Variants in MED13 observed in about 807,000 individuals in gnomAD.
The protein encoded by MED13 is mediator of RNA polymerase II transcription subunit 13.
In MED13, 23 loss-of-function variants were observed where a neutral mutation model predicts 225.2. The observed-to-expected ratio is 0.10, with a 90% confidence interval of 0.07 to 0.14. The LOEUF (loss-of-function observed/expected upper bound fraction) is 0.14, where lower values mean the gene tolerates loss of function less well. Ranked by LOEUF, MED13 falls within the 10% of genes least tolerant of loss-of-function variation. MED13 has a pLI of 1.00. For synonymous variants in MED13, 942 were observed against 889.2 expected (o/e 1.06, Z -1.06); for missense variants, 2,197 against 2,594.5 (o/e 0.85, Z 3.33).
chr17:61,965,213 A>G lies in MED13; in HGVS notation c.4637T>C (p.Leu1546Ser). ...ASTSSSSSSN[L>S]NSGVSSNKLP... ...TTTATTTGATGATACTCCACTATTC[A>G]AGTTGGAGGATGATGAAGATGAAGT... The change falls in exon 20 of 30, where the codon TTG (leucine) becomes TCG (serine). Residue 1546 changes from leucine (L) to serine (S), a missense_variant. Leu to Ser is a moderately radical substitution (Grantham distance 145). Around this residue, in one of 12 missense-constraint regions of MED13, gnomAD observed 457 missense variants for 442.2 expected, o/e 1.03. Coordinates refer to ENST00000397786, the MANE Select transcript of MED13 (RefSeq NM_005121.3). 1.9e-6 allele frequency: 3 copies of G among 1,614,190 alleles called. No homozygotes were observed. Among genetic ancestry groups the G allele is most frequent in the Non-Finnish European group, 2.5e-6 (3 of 1,180,028 alleles).
intron 28 of MED13, among the ~76,000 whole-genome samples, chr17:61,948,569 T>G (rs770854809): frequency 6.6e-6 from 1 of 151,884 alleles, no homozygotes; most frequent in Non-Finnish European, 1.5e-5. Context: ...AGAGGACAGA[T>G]AGCATGTGTA....
In MED13 at chr17:61,962,806, A is replaced by G. The variant is rs1353565912; in HGVS notation, c.5010T>C (p.Phe1670=). 6.2e-7 allele frequency: 1 copy of G among 1,614,188 alleles called. No homozygotes were observed. Among genetic ancestry groups the G allele is most frequent in the Admixed American group, 1.7e-5 (1 of 60,008 alleles). ...SVWTLGLLRC[F]LEMVQTLPPH... is the part of the protein sequence containing the mutation. ...GAGGAAGAGTCTGGACCATTTCTAGAAAGCATCGAAGTAGCCCCAATGTCC... is the reference window on the plus strand; with the variant it reads ...GAGGAAGAGTCTGGACCATTTCTAGGAAGCATCGAAGTAGCCCCAATGTCC... Residue 1670 remains phenylalanine (F), a synonymous_variant, in exon 21 of 30, where the codon TTT becomes TTC. Coordinates refer to ENST00000397786, the MANE Select transcript of MED13 (RefSeq NM_005121.3).
intron 28 of MED13, among the ~76,000 whole-genome samples, chr17:61,948,914 A>G (rs973877787): frequency 6.6e-6 from 1 of 151,098 alleles, no homozygotes; most frequent in Non-Finnish European, 1.5e-5. Flanking sequence ...GTGAAACCCC[A>G]TCTCTACTAA....
intron 3 of MED13, among the ~76,000 whole-genome samples, chr17:62,048,075 T>A (rs2080918236): frequency 1.4e-5 from 2 of 146,880 alleles, no homozygotes; most frequent in African/African-American, 5.0e-5. Flanking sequence ...TATATATGTA[T>A]ATATATATCC....
intron 2 of MED13, among the ~76,000 whole-genome samples, chr17:62,060,040 C>T (rs2081025951): frequency 6.6e-6 from 1 of 152,112 alleles, no homozygotes; most frequent in African/African-American, 2.4e-5. Flanking sequence ...GCCTGTAATC[C>T]TAGCACTTTG....
intron 23 of MED13, among the ~76,000 whole-genome samples, chr17:61,958,153 C>T (rs1449037891): frequency 2.6e-5 from 4 of 151,948 alleles, no homozygotes; most frequent in Admixed American, 6.6e-5. Flanking sequence ...CGTGAGCCAC[C>T]GCGCCCAGCT....
chr17:62,064,347 T>C (rs2081064298), intron 1 of MED13, among the ~76,000 whole-genome samples: 1 of 152,184 alleles, frequency 6.6e-6, no homozygotes, highest in Admixed American at 6.5e-5. Flanking sequence ...ACAATGATCA[T>C]CCCTACATCC....
At chr17:62,000,960 C>CT (rs1299963084) in intron 9 of MED13, among the ~76,000 whole-genome samples, 1 of 152,054 alleles carries the variant, frequency 6.6e-6, no homozygotes, top group Non-Finnish European at 1.5e-5. Flanking sequence ...GACAGGGTTT[C>CT]ACCATGTTGG....
chr17:61,956,907 C>A (rs1320586650), intron 23 of MED13, among the ~76,000 whole-genome samples: 1 of 152,074 alleles, frequency 6.6e-6, no homozygotes, highest in South Asian at 2.1e-4. Context: ...AAAACCTTTA[C>A]GTAAGTCCTA....
At position 62,054,620 on chromosome 17, in the gene MED13, AAG is replaced by A. The variant is rs1459640494; in HGVS notation, c.302-1917_302-1916del. ...CATATTTGTGAGTTGATGACAAAAAAAGAGAAAAGAATCTCAATTGATCTGCT... is the reference window on the plus strand; with the variant it reads ...CATATTTGTGAGTTGATGACAAAAAAAGAAAAGAATCTCAATTGATCTGCT... On this transcript the variant is annotated intron_variant, in intron 2 of 29. Transcript: ENST00000397786. Among the ~76,000 whole-genome samples the A allele has an allele frequency of 2.6e-5, 4 of 152,188 alleles. No homozygotes were observed. The East Asian group carries it at 5.8e-4, about 22-fold the overall frequency.
rs2081054229 is a variant in MED13 at position 62,063,081 on chromosome 17, T to C, written c.287A>G (p.His96Arg). The C allele has an allele frequency of 1.2e-6, 2 of 1,613,652 alleles. No homozygotes were observed. The highest frequency in any genetic ancestry group is 8.5e-7 in the Non-Finnish European group (1 of 1,179,736). Residue 96 changes from histidine (H) to arginine (R), a missense_variant, in exon 2 of 30, where the codon CAC becomes CGC. His to Arg is a conservative substitution (Grantham distance 29). Around this residue, in one of 12 missense-constraint regions of MED13, gnomAD observed 884 missense variants for 918.5 expected, o/e 0.96. Coordinates refer to ENST00000397786, the MANE Select transcript of MED13 (RefSeq NM_005121.3). ...GTTTCTTTCACCTGATAAGTCATGG[T>C]GAATAAGGTCAGCAAAACTGGGGTC... ...GEDPSFADLI[H>R]HDLSEEEDGV...
chr17:61,962,612 T>C (rs1400876604), intron 21 of MED13, 140 bp downstream of exon 21: 7 of 620,164 alleles, frequency 1.1e-5, no homozygotes, highest in South Asian at 7.0e-5. Context: ...AAGATTTATA[T>C]TATGATATTA....
intron 17 of MED13, among the ~76,000 whole-genome samples, chr17:61,970,002 T>C (rs2080093118): frequency 6.6e-6 from 1 of 152,192 alleles, no homozygotes; most frequent in African/African-American, 2.4e-5. Flanking sequence ...AAACTATCTC[T>C]AACACATAAA....
intron 8 of MED13, among the ~76,000 whole-genome samples, chr17:62,023,116 G>A (rs1259727845): frequency 6.6e-6 from 1 of 152,168 alleles, no homozygotes; most frequent in African/African-American, 2.4e-5. Context: ...AGGCTTGGGG[G>A]AGAGAAAGGA....
At chr17:62,017,176 T>C (rs2080590382) in intron 8 of MED13, among the ~76,000 whole-genome samples, 1 of 149,542 alleles carries the variant, frequency 6.7e-6, no homozygotes, top group South Asian at 2.1e-4. Flanking sequence ...CTTTTGTCCA[T>C]GTTTGAAGTT....
intron 1 of MED13, among the ~76,000 whole-genome samples, chr17:62,064,604 A>G (rs1263388119): frequency 6.6e-6 from 1 of 152,232 alleles, no homozygotes; most frequent in Non-Finnish European, 1.5e-5. Context: ...ACTGGCTTTT[A>G]CAGAGAGATC....
intron 18 of MED13, 37 bp from the exon 19 acceptor site, chr17:61,966,688 T>G (rs1341339584): frequency 4.3e-6 from 6 of 1,406,874 alleles, no homozygotes; most frequent in Non-Finnish European, 5.7e-6. Flanking sequence ...ATTAGTAAAT[T>G]TATTATTGTA....
At position 62,011,081 on chromosome 17, in the gene MED13, C is replaced by T. The variant is rs2080503963; in HGVS notation, c.1436G>A (p.Arg479His). The T allele has an allele frequency of 3.1e-6, 5 of 1,614,172 alleles. No homozygotes were observed. Among genetic ancestry groups the T allele is most frequent in the African/African-American group, 1.3e-5 (1 of 75,046 alleles). ...QKRPLTPFHH[R>H]VSVSDDVGMD... ...GCCAACATCATCACTAACAGACACA[C>T]GATGGTGAAAAGGAGTCAAGGGGCG... Residue 479 changes from arginine to histidine, a missense_variant, in exon 9 of 30, where the codon CGT becomes CAT. Transcript: ENST00000397786.
rs1176960070 is a variant in MED13, at chr17:62,010,985, A to G, written c.1532T>C (p.Ile511Thr). The change falls in exon 9 of 30, where the codon ATC becomes ACC. Residue 511 changes from isoleucine (I) to threonine (T), a missense_variant. By Grantham distance (89) the Ile-to-Thr change is moderately conservative (BLOSUM62 -1). Around this residue, in one of 12 missense-constraint regions of MED13, gnomAD observed 884 missense variants for 918.5 expected, o/e 0.96. Transcript: ENST00000397786. ...AGTCTTTGCTACATCATTAGTTCGG[A>G]TATTTGAAAATCTCACTTGACTGTC... ...APDSQVRFSN[I>T]RTNDVAKTPQ... is the part of the protein sequence containing the mutation. The G allele has an allele frequency of 2.5e-6, 4 of 1,613,452 alleles. No homozygotes were observed. The highest frequency in any genetic ancestry group is 2.7e-5 in the African/African-American group (2 of 74,920).
Sources: allele counts gnomAD v4.1 joint callset (sites outside exome capture counted in the v4.1 genomes callset), GRCh38; gene constraint gnomAD v4.1.1; regional missense constraint gnomAD v4.1.1; transcripts MANE v1.5; gene names NCBI Gene and HGNC (gene_info 2026-07-23, HGNC 2026-07-21).